Variants in GABRB3 observed in about 807,000 individuals in gnomAD.
GABRB3 encodes the protein gamma-aminobutyric acid receptor subunit beta-3.
GABRB3 carries 14 observed loss-of-function variants against 52.1 expected under a neutral mutation model. The observed-to-expected ratio is 0.27, with a 90% confidence interval of 0.18 to 0.42. The LOEUF is 0.42. Among genes scored for constraint, GABRB3 ranks in the 10% least tolerant of loss-of-function variants. GABRB3 has a pLI of 1.00. For missense variants in GABRB3, 307 were observed against 609.1 expected (o/e 0.50, Z 5.22); for synonymous variants, 260 against 232.3 (o/e 1.12, Z -1.08).
At chr15:26,760,340 T>A (rs1890780421) in intron 3 of GABRB3, among the ~76,000 whole-genome samples, 1 of 152,184 alleles carries the variant, frequency 6.6e-6, no homozygotes, top group African/African-American at 2.4e-5. Context: ...TCCAGCACCC[T>A]CATTAGAAAG....
intron 7 of GABRB3, among the ~76,000 whole-genome samples, chr15:26,567,104 G>A (rs1325631336): frequency 6.6e-6 from 1 of 152,106 alleles, no homozygotes; most frequent in East Asian, 1.9e-4. Flanking sequence ...AATAACCAAT[G>A]GTCAGGAAAG....
At chr15:26,585,218 G>A (rs948458316) in intron 4 of GABRB3, among the ~76,000 whole-genome samples, 7 of 152,158 alleles carry the variant, frequency 4.6e-5, no homozygotes, top group African/African-American at 1.7e-4. Flanking sequence ...CCCATTCAGT[G>A]ATGGGGAGTA....
chr15:26,695,033 GA>G (rs1888693949), intron 3 of GABRB3, among the ~76,000 whole-genome samples: 1 of 152,100 alleles, frequency 6.6e-6, no homozygotes, highest in Admixed American at 6.5e-5. Flanking sequence ...AAAAGACATT[GA>G]CAGAATATCC....
chr15:26,743,359 G>A (rs931028095), intron 3 of GABRB3, among the ~76,000 whole-genome samples: 2 of 152,172 alleles, frequency 1.3e-5, no homozygotes, highest in African/African-American at 2.4e-5. Flanking sequence ...TCAGGTAGGA[G>A]TTGAATCCCA....
rs71420020 is a variant in GABRB3, at chr15:26,690,106, A to AG, written c.241-68573_241-68572insC. 9.3e-3 allele frequency among the ~76,000 whole-genome samples: 1,281 copies of AG among 137,494 alleles called. 19 individuals carry two copies. The highest frequency in any genetic ancestry group is 0.014 in the Non-Finnish European group (907 of 65,110). 90.2% of individuals were successfully genotyped at this position (137,494 alleles called of 152,430 possible). ...ATCTGGAGAATGAGAAGGTACACGG[A>AG]TTTTTTTTTTTTTTTGAGACAAGGT... On this transcript the variant is annotated intron_variant, in intron 3 of 8. Transcript: ENST00000311550.
At chr15:26,595,344 AGGAG>A (rs1891359594) in intron 4 of GABRB3, among the ~76,000 whole-genome samples, 1 of 152,194 alleles carries the variant, frequency 6.6e-6, no homozygotes, top group Non-Finnish European at 1.5e-5. Context: ...TCCCTCTGGT[AGGAG>A]AGGGAGCACT....
At chr15:26,763,621 C>CACACACACACAA (rs1247122821) in intron 3 of GABRB3, among the ~76,000 whole-genome samples, 1 of 151,676 alleles carries the variant, frequency 6.6e-6, no homozygotes, top group Non-Finnish European at 1.5e-5. Context: ...CACACACACA[C>CACACACACACAA]ACACACACAC....
intron 3 of GABRB3, among the ~76,000 whole-genome samples, chr15:26,747,886 A>G (rs1374629314): frequency 2.0e-5 from 3 of 149,430 alleles, no homozygotes; most frequent in African/African-American, 7.3e-5. Context: ...TTTTCTGTAA[A>G]AGTCTTGATA....
At chr15:26,578,322 T>C (rs749240165) in intron 6 of GABRB3, among the ~76,000 whole-genome samples, 1 of 152,242 alleles carries the variant, frequency 6.6e-6, no homozygotes, top group Non-Finnish European at 1.5e-5. Context: ...AACTGACTGA[T>C]GTGGAGCTCT....
At chr15:26,615,383 AG>A in intron 4 of GABRB3, 1 of 985,648 alleles carries the variant, frequency 1.0e-6, no homozygotes, top group Non-Finnish European at 1.2e-6. Flanking sequence ...AAGCTGGTGC[AG>A]GGATCTCAGT....
intron 4 of GABRB3, among the ~76,000 whole-genome samples, chr15:26,600,302 A>G (rs1407856062): frequency 6.6e-6 from 1 of 152,134 alleles, no homozygotes; most frequent in Non-Finnish European, 1.5e-5. Flanking sequence ...GTAGAAGAGA[A>G]AAAAAAGCCA....
intron 3 of GABRB3, among the ~76,000 whole-genome samples, chr15:26,669,708 T>C (rs185818552): frequency 1.1e-4 from 17 of 152,268 alleles, no homozygotes; most frequent in African/African-American, 4.1e-4. Context: ...CCTTTTCTCT[T>C]GGCTACTTAA....
intron 3 of GABRB3, among the ~76,000 whole-genome samples, chr15:26,753,725 T>C (rs1425732282): frequency 6.6e-6 from 1 of 152,300 alleles, no homozygotes; most frequent in East Asian, 1.9e-4. Flanking sequence ...GAAGCTATCA[T>C]TTTAGAAAGG....
intron 7 of GABRB3, among the ~76,000 whole-genome samples, chr15:26,564,631 A>T (rs1455369918): frequency 6.6e-6 from 1 of 151,994 alleles, no homozygotes; most frequent in African/African-American, 2.4e-5. Flanking sequence ...GGATGAATGC[A>T]AAAAGCACTG....
chr15:26,772,851 C>T (rs573761918), intron 1 of GABRB3, 32 bp downstream of exon 1: 4 of 1,448,282 alleles, frequency 2.8e-6, no homozygotes, highest in East Asian at 3.1e-5. Flanking sequence ...CCGCGCCCTG[C>T]CCGCCGCCCG....
rs566392641 is a variant in GABRB3 at position 26,699,348 on chromosome 15, G to A, written c.240+73054C>T. ...TAACGTAACTGTGTCAAAGAACAAA[G>A]CGCAAGAATATTTCTAGGAAGGCAA... On this transcript the variant is annotated intron_variant, in intron 3 of 8. Transcript: ENST00000311550. Among the ~76,000 whole-genome samples, 2 of 152,134 alleles carry A rather than the reference G, an allele frequency of 1.3e-5. 1 individual carries two copies. The highest frequency in any genetic ancestry group is 4.8e-5 in the African/African-American group (2 of 41,512).
At chr15:26,664,700 C>CTTTTTTTTTTT (rs1471563872) in intron 3 of GABRB3, among the ~76,000 whole-genome samples, 2 of 92,768 alleles carry the variant, frequency 2.2e-5, no homozygotes, top group Non-Finnish European at 4.5e-5. Flanking sequence ...CTTTTCTTTT[C>CTTTTTTTTTTT]TTTGTTTTTT....
At chr15:26,677,565 TC>T (rs1888108614) in intron 3 of GABRB3, among the ~76,000 whole-genome samples, 1 of 152,084 alleles carries the variant, frequency 6.6e-6, no homozygotes. Context: ...CCACCCAATT[TC>T]TGGGGATCCA....
At chr15:26,690,974 A>G (rs574471776) in intron 3 of GABRB3, among the ~76,000 whole-genome samples, 42 of 151,494 alleles carry the variant, frequency 2.8e-4, no homozygotes, top group African/African-American at 9.9e-4. Context: ...ACCCCAGCTG[A>G]TCCAGTCCTC....
Sources: gnomAD v4.1 joint callset for allele counts (sites outside exome capture counted in the v4.1 genomes callset) on GRCh38, gnomAD v4.1.1 for gene constraint, MANE v1.5 for transcripts, NCBI Gene and HGNC (gene_info 2026-07-23, HGNC 2026-07-21) for gene names.